Variants in SLC22A12 observed in about 807,000 individuals in gnomAD.
SLC22A12 encodes organic anion transporter 4-like protein.
SLC22A12 carries 56 observed loss-of-function variants against 52.7 expected under a neutral mutation model. That is an observed-to-expected ratio of 1.06 (90% CI 0.86 to 1.33). The LOEUF (loss-of-function observed/expected upper bound fraction) is 1.33. Among genes scored for constraint, SLC22A12 ranks in the 40% most tolerant of loss-of-function variants. The probability of loss-of-function intolerance (pLI) is 0.00; values close to 1 mark genes in which losing one functional copy is unlikely to be tolerated. For synonymous variants in SLC22A12, 337 were observed against 324.6 expected (o/e 1.04, Z -0.41); for missense variants, 683 against 741.5 (o/e 0.92, Z 0.92).
At chr11:64,599,525 C>T (rs1000696796) in intron 6 of SLC22A12, 151 bp from the exon 7 acceptor site, 16 of 662,808 alleles carry the variant, frequency 2.4e-5, no homozygotes, top group Admixed American at 4.7e-5. Flanking sequence ...AGACTGGCCC[C>T]GCCCCACAGA....
intron 8 of SLC22A12, 68 bp downstream of exon 8, chr11:64,600,543 A>T: frequency 1.4e-6 from 2 of 1,421,556 alleles, no homozygotes; most frequent in Non-Finnish European, 1.9e-6. Flanking sequence ...CCCAGGCAGG[A>T]CTGGCTTCTC....
intron 4 of SLC22A12, among the ~76,000 whole-genome samples, chr11:64,596,874 C>T (rs958087790): frequency 9.9e-5 from 15 of 152,192 alleles, no homozygotes; most frequent in Admixed American, 9.8e-4. Flanking sequence ...CTGCACCCCC[C>T]TTTCCTTGGT....
chr11:64,595,951 G>GATGGA (rs2039183319), intron 4 of SLC22A12, among the ~76,000 whole-genome samples: 1 of 82,298 alleles, frequency 1.2e-5, no homozygotes. Context: ...TGGATGGATG[G>GATGGA]ATGGATGGAT....
intron 4 of SLC22A12, among the ~76,000 whole-genome samples, chr11:64,595,070 G>A (rs2039079629): frequency 7.1e-6 from 1 of 141,666 alleles, no homozygotes; most frequent in Non-Finnish European, 1.5e-5. Context: ...ATGGATGGAT[G>A]GATGGATAGA....
chr11:64,591,297 C>A lies in SLC22A12; in HGVS notation c.-260C>A. 1 of 536,262 alleles carries A rather than the reference C, an allele frequency of 1.9e-6. No homozygotes were observed. Among genetic ancestry groups the A allele is most frequent in the Non-Finnish European group, 3.3e-6 (1 of 302,138 alleles). The allele number at this position is 536,262 out of a possible 1,614,324, so 33.2% of individuals were successfully genotyped here. ...TTTCCCGGGAGGTCTGGAGCAGCTG[C>A]CTCTCTGGGGAGATGCTGGAGGTCT... is the stretch of plus-strand genomic sequence containing the variant. On this transcript the variant is annotated 5_prime_UTR_variant, in exon 1 of 10. Coordinates refer to ENST00000377574, the MANE Select transcript of SLC22A12 (RefSeq NM_144585.4).
chr11:64,598,958 G>T, intron 6 of SLC22A12, 35 bp downstream of exon 6: 1 of 1,608,836 alleles, frequency 6.2e-7, no homozygotes, highest in South Asian at 1.1e-5. Flanking sequence ...CCTCCACAGG[G>T]GAACCTGGAA....
At chr11:64,600,312 C>T in intron 7 of SLC22A12, 55 bp from the exon 8 acceptor site, 3 of 1,354,904 alleles carry the variant, frequency 2.2e-6, no homozygotes, top group Middle Eastern at 3.6e-4. Flanking sequence ...TGAAGGGAGC[C>T]CTCATCTGAT....
At chr11:64,593,075 G>A (rs374242109) in intron 2 of SLC22A12, among the ~76,000 whole-genome samples, 193 bp downstream of exon 2, 15 of 152,186 alleles carry the variant, frequency 9.9e-5, no homozygotes, top group Non-Finnish European at 1.5e-4. Context: ...TCTGAACCTC[G>A]AGTTCACCAA....
chr11:64,598,986 A>G, intron 6 of SLC22A12, 63 bp downstream of exon 6: 1 of 1,581,718 alleles, frequency 6.3e-7, no homozygotes, highest in Non-Finnish European at 8.6e-7. Context: ...TCTCGCTGGC[A>G]CACGGCCCCG....
intron 6 of SLC22A12, 67 bp from the exon 7 acceptor site, chr11:64,599,609 T>TCCCAC: frequency 9.0e-6 from 2 of 221,472 alleles, no homozygotes; most frequent in Non-Finnish European, 1.6e-5. Context: ...CGCCCATTGT[T>TCCCAC]CCCACCCTGC....
chr11:64,599,817 C>T lies in SLC22A12; in HGVS notation c.1212C>T (p.Gly404=). ...CCCTGCTGCTGCTGAGCCACCTGGG[C>T]CGCCGCCCCACGCTGGCCGCATCCC... is the stretch of plus-strand genomic sequence containing the variant. ...MGALLLLSHL[G]RRPTLAASLL... Residue 404 remains glycine (G), a synonymous_variant, in exon 7 of 10, where the codon GGC becomes GGT. Transcript: ENST00000377574. 4 of 1,612,718 alleles carry T rather than the reference C, an allele frequency of 2.5e-6. No homozygotes were observed. Among genetic ancestry groups the T allele is most frequent in the South Asian group, 1.1e-5 (1 of 91,062 alleles).
intron 4 of SLC22A12, 135 bp downstream of exon 4, chr11:64,593,938 G>A: frequency 7.6e-7 from 1 of 1,316,368 alleles, no homozygotes; most frequent in Non-Finnish European, 1.1e-6. Flanking sequence ...GGAAAGCCAG[G>A]AGCGTGGCAG....
intron 5 of SLC22A12, 47 bp downstream of exon 5, chr11:64,598,686 G>A (rs1240150093): frequency 6.2e-7 from 1 of 1,600,222 alleles, no homozygotes; most frequent in Non-Finnish European, 8.5e-7. Context: ...CCCTCTCCCT[G>A]CCCCTGCATA....
intron 7 of SLC22A12, among the ~76,000 whole-genome samples, 163 bp downstream of exon 7, chr11:64,600,053 G>A (rs1768864027): frequency 6.6e-6 from 1 of 152,204 alleles, no homozygotes; most frequent in African/African-American, 2.4e-5. Flanking sequence ...CACTGAGCCA[G>A]CAAGAGCGGT....
Position 64,591,906 on chromosome 11 carries a change from T to A in SLC22A12, c.350T>A (p.Val117Glu). The change falls in exon 1 of 10, where the codon GTG becomes GAG. Residue 117 changes from valine (V) to glutamate (E), a missense_variant. Val to Glu is a moderately radical substitution (Grantham distance 121). Transcript: ENST00000377574. ...AGCGAGGCCGACACGGAGCCGTGTG[T>A]GGATGGCTGGGTCTATGACCGCAGC... ...SWSEADTEPC[V>E]DGWVYDRSIF... is the part of the protein sequence containing the mutation. 1 of 1,612,684 alleles carries A rather than the reference T, an allele frequency of 6.2e-7. No homozygotes were observed. Among genetic ancestry groups the A allele is most frequent in the Non-Finnish European group, 8.5e-7 (1 of 1,180,028 alleles).
intron 1 of SLC22A12, 41 bp downstream of exon 1, chr11:64,591,999 G>A (rs1353995747): frequency 6.2e-7 from 1 of 1,600,582 alleles, no homozygotes; most frequent in Non-Finnish European, 8.5e-7. Context: ...CACCACCTTG[G>A]AGGTCAGTCA....
intron 4 of SLC22A12, among the ~76,000 whole-genome samples, chr11:64,596,253 T>TGGATGGATGGAATGGTTGGATGGATG: frequency 2.6e-5 from 3 of 115,442 alleles, no homozygotes; most frequent in African/African-American, 1.1e-4. Context: ...ATGGAATGGA[T>TGGATGGATGGAATGGTTGGATGGATG]GGATGGATGG....
rs994709541 is a variant in SLC22A12, at chr11:64,592,801, A to G, written c.425A>G (p.His142Arg). Reference protein sequence around the residue: ...VAKWNLVCDSHALKPMAQSIY... With the variant: ...VAKWNLVCDSRALKPMAQSIY... ...CAGTGGAACCTCGTGTGTGACTCTC[A>G]TGCTCTGAAGCCCATGGCCCAGTCC... The change falls in exon 2 of 10, where the codon CAT becomes CGT. Residue 142 changes from histidine (H) to arginine (R), a missense_variant. Transcript: ENST00000377574. 1.9e-6 allele frequency: 3 copies of G among 1,613,710 alleles called. No homozygotes were observed. Among genetic ancestry groups the G allele is most frequent in the African/African-American group, 2.7e-5 (2 of 74,880 alleles).
At chr11:64,592,967 CCTCACAAAACCAAGT>C in intron 2 of SLC22A12, 85 bp downstream of exon 2, 1 of 1,267,352 alleles carries the variant, frequency 7.9e-7, no homozygotes. Context: ...CCCAAACCAG[CCTCACAAAACCAAGT>C]CTAGAAAGCG....
Sources: allele counts gnomAD v4.1 joint callset (sites outside exome capture counted in the v4.1 genomes callset), GRCh38; gene constraint gnomAD v4.1.1; transcripts MANE v1.5; gene names NCBI Gene and HGNC (gene_info 2026-07-23, HGNC 2026-07-21).